The following AFG2A variants were observed in gnomAD, a reference collection of about 807,000 sequenced individuals.
The protein encoded by AFG2A is AAA ATPase AFG2A.
chr4:123,240,907 G>A, the AFG2A span, among the ~76,000 whole-genome samples: 1 of 151,732 alleles, frequency 6.6e-6, no homozygotes, highest in East Asian at 1.9e-4. Flanking sequence ...AAGAAGAAAA[G>A]GGAGAAGAAT....
chr4:123,291,224 T>C, the AFG2A span, among the ~76,000 whole-genome samples: 5 of 152,212 alleles, frequency 3.3e-5, no homozygotes, highest in Non-Finnish European at 5.9e-5. Flanking sequence ...GTGGGTCCCT[T>C]GAAGACAGGA....
the AFG2A span, chr4:123,318,219 T>C: frequency 2.6e-5 from 4 of 152,192 alleles, no homozygotes; most frequent in Non-Finnish European, 5.9e-5. Flanking sequence ...GATCAGGCTT[T>C]TAGGACCTAG....
the AFG2A span, among the ~76,000 whole-genome samples, chr4:123,088,980 G>A: frequency 1.3e-5 from 2 of 152,116 alleles, no homozygotes; most frequent in South Asian, 4.1e-4. Context: ...GCAAATTTGT[G>A]TACCGGCAGA....
chr4:123,060,174 T>C, the AFG2A span, among the ~76,000 whole-genome samples: 4 of 152,344 alleles, frequency 2.6e-5, no homozygotes, highest in African/African-American at 9.6e-5. Flanking sequence ...TTTCACAGGC[T>C]GGTGTTGAGT....
At chr4:123,317,826 A>G in the AFG2A span, 1 of 152,352 alleles carries the variant, frequency 6.6e-6, no homozygotes, top group East Asian at 1.9e-4. Flanking sequence ...GGAATATGAT[A>G]TTTAAAATTT....
the AFG2A span, among the ~76,000 whole-genome samples, chr4:123,262,463 T>A: frequency 6.6e-6 from 1 of 152,326 alleles, no homozygotes; most frequent in East Asian, 1.9e-4. Context: ...TCAGTTCCAC[T>A]TGAAGGACTC....
chr4:123,305,075 A>G, the AFG2A span, among the ~76,000 whole-genome samples: 1 of 152,186 alleles, frequency 6.6e-6, no homozygotes, highest in Non-Finnish European at 1.5e-5. Flanking sequence ...ACTACTTTTC[A>G]TCTTCTGACA....
At chr4:123,004,284 G>T in the AFG2A span, among the ~76,000 whole-genome samples, 1 of 152,226 alleles carries the variant, frequency 6.6e-6, no homozygotes, top group African/African-American at 2.4e-5. Flanking sequence ...GCCTCGGCCT[G>T]CTTCGGCCGG....
the AFG2A span, among the ~76,000 whole-genome samples, chr4:123,233,962 T>G: frequency 3.1e-4 from 47 of 152,088 alleles, no homozygotes; most frequent in Non-Finnish European, 1.5e-4. Context: ...TGGTTCTATA[T>G]TTTGTTACAT....
the AFG2A span, among the ~76,000 whole-genome samples, chr4:123,063,573 C>T: frequency 5.9e-4 from 90 of 152,062 alleles, no homozygotes; most frequent in East Asian, 9.3e-3. Flanking sequence ...GGTGAAACCC[C>T]GTCTCTACTA....
the AFG2A span, among the ~76,000 whole-genome samples, chr4:123,115,337 CA>C: frequency 6.6e-6 from 1 of 152,094 alleles, no homozygotes; most frequent in Non-Finnish European, 1.5e-5. Flanking sequence ...CCTGGGGTTG[CA>C]GCGTCGGTGG....
At chr4:123,187,677 T>C in the AFG2A span, among the ~76,000 whole-genome samples, 3 of 152,046 alleles carry the variant, frequency 2.0e-5, no homozygotes, top group African/African-American at 7.3e-5. Flanking sequence ...TAGGTTTTTT[T>C]TGTAAGGATA....
chr4:122,987,131 A>G, the AFG2A span, among the ~76,000 whole-genome samples: 10 of 151,914 alleles, frequency 6.6e-5, no homozygotes, highest in African/African-American at 2.4e-4. Context: ...AAGTATAGCC[A>G]CCCCTGCTCT....
the AFG2A span, among the ~76,000 whole-genome samples, chr4:123,158,905 A>G: frequency 6.6e-6 from 1 of 152,204 alleles, no homozygotes; most frequent in African/African-American, 2.4e-5. Context: ...TTTAGAATCA[A>G]TTTTTCTACC....
the AFG2A span, among the ~76,000 whole-genome samples, chr4:123,241,367 G>A: frequency 6.6e-6 from 1 of 152,112 alleles, no homozygotes; most frequent in Non-Finnish European, 1.5e-5. Context: ...GATGAACATC[G>A]ATGCGAGAAT....
chr4:123,063,472 C>T, the AFG2A span, among the ~76,000 whole-genome samples: 1 of 152,158 alleles, frequency 6.6e-6, no homozygotes, highest in Non-Finnish European at 1.5e-5. Context: ...CTGGGCTGGG[C>T]ACAGTGGCTC....
chr4:123,031,954 T>G, the AFG2A span, among the ~76,000 whole-genome samples: 1 of 152,220 alleles, frequency 6.6e-6, no homozygotes, highest in Non-Finnish European at 1.5e-5. Flanking sequence ...GTTTGTTATC[T>G]GGGACAGTTA....
At chr4:123,315,779 C>G in the AFG2A span, 1 of 152,192 alleles carries the variant, frequency 6.6e-6, no homozygotes, top group East Asian at 1.9e-4. Context: ...GGCATACATT[C>G]CTTGTTTGTT....
At chr4:123,080,312 A>T in the AFG2A span, among the ~76,000 whole-genome samples, 1 of 152,248 alleles carries the variant, frequency 6.6e-6, no homozygotes, top group Non-Finnish European at 1.5e-5. Flanking sequence ...ATCTGAGGAC[A>T]CAGCGAGACC....
Sources: gnomAD v4.1 joint callset for allele counts (sites outside exome capture counted in the v4.1 genomes callset) on GRCh38, gnomAD v4.1.1 for gene constraint, MANE v1.5 for transcripts, NCBI Gene and HGNC (gene_info 2026-07-23, HGNC 2026-07-21) for gene names.